Variants in U2SURP observed in about 807,000 individuals in gnomAD.
U2SURP encodes U2 snRNP-associated SURP motif-containing protein.
Under a neutral mutation model 144.9 loss-of-function variants are expected in U2SURP, and 9 were observed. The ratio of observed to expected loss-of-function variants is 0.06; its 90% CI spans 0.04 to 0.11. The LOEUF (loss-of-function observed/expected upper bound fraction) is 0.11, where lower values mean the gene tolerates loss of function less well. U2SURP is among the 10% of genes least tolerant of loss of function. The pLI is 1.00. For synonymous variants in U2SURP, 408 were observed against 396.8 expected, an observed-to-expected ratio of 1.03 and a Z score of -0.33; for missense variants, 724 against 1,226.7, an observed-to-expected ratio of 0.59 and a Z score of 6.12.
At chr3:143,055,142 A>C in intron 27 of U2SURP, 23 bp downstream of exon 27, 5 of 1,530,972 alleles carry the variant, frequency 3.3e-6, no homozygotes, top group Non-Finnish European at 3.5e-6. Context: ...CATTTTTGCT[A>C]ATATTTCAGA....
chr3:143,050,078 T>TG (rs899969635), intron 24 of U2SURP, among the ~76,000 whole-genome samples: 7 of 152,172 alleles, frequency 4.6e-5, no homozygotes, highest in Non-Finnish European at 1.0e-4. Flanking sequence ...GGTCTGGTTT[T>TG]TTTTTTTATT....
At chr3:143,046,570 G>A (rs1244078447) in intron 24 of U2SURP, among the ~76,000 whole-genome samples, 6 of 106,042 alleles carry the variant, frequency 5.7e-5, no homozygotes, top group South Asian at 3.1e-4. Context: ...AGCACATCTT[G>A]CACCGCCCTT....
intron 25 of U2SURP, among the ~76,000 whole-genome samples, chr3:143,052,547 G>A (rs1000064106): frequency 7.2e-5 from 11 of 152,280 alleles, no homozygotes; most frequent in Non-Finnish European, 1.6e-4. Flanking sequence ...AAGGAATATG[G>A]TCCTTGCCTG....
At position 143,051,062 on chromosome 3, in the gene U2SURP, T is replaced by A. The variant is rs762278008; in HGVS notation, c.2655+13T>A. ...ACTTCTTCAACGAGTAAGGAATAAG[T>A]ATACCCAATAATACACATATTTTGA... On this transcript the variant is annotated intron_variant, in intron 25 of 27. Transcript: ENST00000473835. 2.0e-6 allele frequency: 3 copies of A among 1,492,188 alleles called. No homozygotes were observed. The highest frequency in any genetic ancestry group is 2.8e-6 in the Non-Finnish European group (3 of 1,078,660). 92.4% of individuals were successfully genotyped at this position (1,492,188 alleles called of 1,614,324 possible).
intron 20 of U2SURP, 52 bp from the exon 21 acceptor site, chr3:143,037,127 A>T (rs1013604734): frequency 6.4e-7 from 1 of 1,558,422 alleles, no homozygotes; most frequent in Non-Finnish European, 8.7e-7. Flanking sequence ...CTTACAAGCA[A>T]TGTGACTTCA....
intron 5 of U2SURP, 119 bp from the exon 6 acceptor site, chr3:143,016,719 ATTTG>A (rs1305165741): frequency 9.5e-6 from 8 of 841,142 alleles, no homozygotes; most frequent in African/African-American, 1.8e-5. Context: ...TTAATTTCAT[ATTTG>A]TTAATAGTGA....
At chr3:143,022,444 A>T in intron 10 of U2SURP, 53 bp from the exon 11 acceptor site, 1 of 1,423,440 alleles carries the variant, frequency 7.0e-7, no homozygotes, top group Non-Finnish European at 9.3e-7. Flanking sequence ...TCTGAAAATA[A>T]TTTTTTCTTT....
chr3:143,035,967 T>C lies in U2SURP; in HGVS notation c.1942-15T>C. ...CCCAAAATAAAAGTTTGTTGTCTGT[T>C]TCCTGTTTCTTTAGCAACGGGTAAT... is the stretch of plus-strand genomic sequence containing the variant. On this transcript the variant is annotated splice_polypyrimidine_tract_variant and intron_variant, in intron 19 of 27. Transcript: ENST00000473835. The C allele has an allele frequency of 6.3e-7, 1 of 1,584,816 alleles. No individual in the cohort carries two copies. Among genetic ancestry groups the C allele is most frequent in the Non-Finnish European group, 8.5e-7 (1 of 1,171,028 alleles).
chr3:143,018,190 C>T (rs950832527), intron 6 of U2SURP, among the ~76,000 whole-genome samples: 1 of 152,120 alleles, frequency 6.6e-6, no homozygotes, highest in African/African-American at 2.4e-5. Flanking sequence ...CATTATCAGT[C>T]ACTCCCATTT....
intron 1 of U2SURP, among the ~76,000 whole-genome samples, chr3:143,006,312 A>G (rs754201994): frequency 2.9e-4 from 44 of 152,176 alleles, no homozygotes; most frequent in Non-Finnish European, 2.4e-4. Flanking sequence ...AGCTGTTGTT[A>G]ATGAGTGGAC....
rs775900773 is a variant in U2SURP at position 143,016,993 on chromosome 3, AATTGACC to A, written c.570+22_570+28del. 1 of 1,560,332 alleles carries A rather than the reference AATTGACC, an allele frequency of 6.4e-7. No individual in the cohort carries two copies. The highest frequency in any genetic ancestry group is 8.6e-7 in the Non-Finnish European group (1 of 1,162,286). On this transcript the variant is annotated intron_variant, in intron 6 of 27. Coordinates refer to ENST00000473835, the MANE Select transcript of U2SURP (RefSeq NM_001080415.2). ...AAAAACCTGTAAGTCATACTTAAGTAATTGACCATTTATGTTCAGAGATGACACTGCC... is the reference window on the plus strand; with the variant it reads ...AAAAACCTGTAAGTCATACTTAAGTAATTTATGTTCAGAGATGACACTGCC...
intron 25 of U2SURP, 105 bp from the exon 26 acceptor site, chr3:143,053,571 T>A: frequency 1.2e-6 from 1 of 855,612 alleles, no homozygotes; most frequent in Non-Finnish European, 1.7e-6. Context: ...CCTTAAGTAG[T>A]AATTTAAAAA....
At chr3:143,022,396 G>T in intron 10 of U2SURP, 101 bp from the exon 11 acceptor site, 1 of 1,143,336 alleles carries the variant, frequency 8.7e-7, no homozygotes, top group Non-Finnish European at 1.2e-6. Context: ...GAAGCACGTT[G>T]CTATGTTGCT....
chr3:143,002,096 TC>T (rs1184282641), intron 1 of U2SURP: 2 of 229,688 alleles, frequency 8.7e-6, no homozygotes, highest in Non-Finnish European at 1.7e-5. Context: ...CTCACTCACT[TC>T]CGGCCTCCCT....
At chr3:143,044,469 T>G (rs925352392) in intron 24 of U2SURP, among the ~76,000 whole-genome samples, 13 of 151,830 alleles carry the variant, frequency 8.6e-5, no homozygotes, top group Admixed American at 7.2e-4. Context: ...TTTTTTTGGA[T>G]AGAGATGAGG....
At position 143,043,378 on chromosome 3, in the gene U2SURP, TTC is replaced by T. The variant is rs202075792; in HGVS notation, c.2544+108_2544+109del. The T allele has an allele frequency of 1.8e-4, 223 of 1,234,992 alleles. 2 individuals carry two copies. In the East Asian group the frequency reaches 4.3e-3, roughly 24 times the overall value. The allele number at this position is 1,234,992 out of a possible 1,614,324, so 76.5% of individuals were successfully genotyped here. ...ATTGTACCGTAGTACATACTGTTCC[TTC>T]TCTCTGCTTAGAACTCTTCATACCA... is the stretch of plus-strand genomic sequence containing the variant. On this transcript the variant is annotated intron_variant, in intron 24 of 27. Coordinates refer to ENST00000473835, the MANE Select transcript of U2SURP (RefSeq NM_001080415.2).
At chr3:143,019,846 T>C in intron 6 of U2SURP, 123 bp from the exon 7 acceptor site, 1 of 443,904 alleles carries the variant, frequency 2.3e-6, no homozygotes, top group Non-Finnish European at 3.8e-6. Flanking sequence ...GCATTCTTCC[T>C]TTTTAATTTA....
chr3:143,023,126 T>C (rs1269600444), intron 12 of U2SURP, 62 bp downstream of exon 12: 1 of 1,371,564 alleles, frequency 7.3e-7, no homozygotes, highest in Admixed American at 2.7e-5. Context: ...TGTGGTAGTA[T>C]TTCTTTTCAA....
intron 16 of U2SURP, among the ~76,000 whole-genome samples, 170 bp from the exon 17 acceptor site, chr3:143,032,612 CAA>C (rs1933570625): frequency 6.6e-6 from 1 of 152,098 alleles, no homozygotes. Context: ...ATAAATTCTT[CAA>C]AAAATTGTAA....
Sources: gnomAD v4.1 joint callset for allele counts (sites outside exome capture counted in the v4.1 genomes callset) on GRCh38, gnomAD v4.1.1 for gene constraint, MANE v1.5 for transcripts, NCBI Gene and HGNC (gene_info 2026-07-23, HGNC 2026-07-21) for gene names.